ESR2: variants seen among roughly 807,000 people sequenced by gnomAD.
ESR2 encodes the protein estrogen receptor 2.
A neutral mutation model predicts 49.6 loss-of-function variants in ESR2; 36 were observed. The ratio of observed to expected loss-of-function variants is 0.73; its 90% CI spans 0.56 to 0.96. The LOEUF (loss-of-function observed/expected upper bound fraction) is 0.96. ESR2 is among the 40% of genes least tolerant of loss of function. ESR2 has a pLI of 0.00. For missense variants in ESR2, 714 were observed against 693.0 expected (o/e 1.03, Z -0.34); for synonymous variants, 320 against 266.1 (o/e 1.20, Z -1.97).
At chr14:64,302,881 C>G (rs943045233) in intron 1 of ESR2, among the ~76,000 whole-genome samples, 2 of 151,940 alleles carry the variant, frequency 1.3e-5, no homozygotes, top group African/African-American at 4.8e-5. Context: ...TCACTGCAAC[C>G]TCCGCCTCCT....
intron 1 of ESR2, chr14:64,303,652 G>C (rs905707740): frequency 1.3e-5 from 2 of 152,162 alleles, no homozygotes; most frequent in East Asian, 3.8e-4. Flanking sequence ...ACAGGTTGAT[G>C]TCTCCCTCTA....
chr14:64,288,314 A>G (rs1230890737), intron 1 of ESR2, among the ~76,000 whole-genome samples: 2 of 151,652 alleles, frequency 1.3e-5, no homozygotes, highest in African/African-American at 4.9e-5. Context: ...GTTTGGCCCT[A>G]GAAATGGCAG....
At chr14:64,320,292 A>C (rs1410803384) in intron 1 of ESR2, among the ~76,000 whole-genome samples, 8 of 152,168 alleles carry the variant, frequency 5.3e-5, no homozygotes, top group Admixed American at 5.2e-4. Flanking sequence ...CAAGCCGGGC[A>C]TGGTGGCATA....
At chr14:64,293,439 CCACT>C (rs1440701189) in intron 1 of ESR2, among the ~76,000 whole-genome samples, 1 of 152,158 alleles carries the variant, frequency 6.6e-6, no homozygotes, top group Non-Finnish European at 1.5e-5. Flanking sequence ...AAATAGAAGT[CCACT>C]CAAAGTTTTT....
chr14:64,336,861 T>G (rs906446670), intron 1 of ESR2: 10 of 152,218 alleles, frequency 6.6e-5, no homozygotes, highest in African/African-American at 2.2e-4. Context: ...ACCCTTGCTT[T>G]CTTTCTTATA....
Position 64,307,199 on chromosome 14 carries a change from TA to T in ESR2, c.-90-24125del, listed in dbSNP as rs1182174302. On this transcript the variant is annotated intron_variant, in intron 1 of 8. Coordinates refer to the ESR2 transcript ENST00000358599. ...TGGCTAGAGGTTTATTAATTTAATT[TA>T]ATTTATTTATTTATTTATTTATTTA... 4.6e-5 allele frequency among the ~76,000 whole-genome samples: 7 copies of T among 150,684 alleles called. No homozygotes were observed. The South Asian group carries it at 1.0e-3, about 22-fold the overall frequency.
In ESR2 at chr14:64,282,786, C is replaced by T. The variant is rs758750077; in HGVS notation, c.200G>A (p.Gly67Asp). Residue 67 changes from glycine to aspartate, a missense_variant, in exon 2 of 9, where the codon GGT (glycine) becomes GAT (aspartate). Coordinates refer to ENST00000341099, the MANE Select transcript of ESR2 (RefSeq NM_001437.3). Reference sequence around the variant, plus strand: ...GCTTGTGGTCTGCCGACCAGGCCCACCTTCCAAGTTAGTGACATTGCTGGG... The same window carrying T: ...GCTTGTGGTCTGCCGACCAGGCCCATCTTCCAAGTTAGTGACATTGCTGGG... ...SIPSNVTNLE[G>D]GPGRQTTSPN... 10 of 1,614,108 alleles carry T rather than the reference C, an allele frequency of 6.2e-6. No individual in the cohort carries two copies. Among genetic ancestry groups the T allele is most frequent in the Non-Finnish European group, 6.8e-6 (8 of 1,180,058 alleles).
At chr14:64,283,131 A>G (rs2076715464) in intron 1 of ESR2, 56 bp from the exon 2 acceptor site, 1 of 677,400 alleles carries the variant, frequency 1.5e-6, no homozygotes, top group Non-Finnish European at 2.3e-6. Context: ...TTAACTATGA[A>G]AATTTAAATA....
upstream of ESR2, among the ~76,000 whole-genome samples, chr14:64,295,657 T>C (rs2076946861): frequency 6.6e-6 from 1 of 152,152 alleles, no homozygotes; most frequent in African/African-American, 2.4e-5. Flanking sequence ...TCAGCCTCCC[T>C]GTCTCCTGTC....
chr14:64,269,026 A>C lies in ESR2; in HGVS notation c.536-115T>G, dbSNP rs1022602886. On this transcript the variant is annotated intron_variant, in intron 3 of 8. Coordinates refer to ENST00000341099, the MANE Select transcript of ESR2 (RefSeq NM_001437.3). ...GCTGAGAGATAGGGGACATCTTCTT[A>C]ATGACCAGTACAGGTACAAAGCCAA... is the stretch of plus-strand genomic sequence containing the variant. 8.6e-6 allele frequency: 6 copies of C among 695,822 alleles called. No homozygotes were observed. In the East Asian group the frequency reaches 1.3e-4, roughly 15 times the overall value. 43.1% of individuals were successfully genotyped at this position (695,822 alleles called of 1,614,324 possible). A position where few individuals can be genotyped will look rare whatever the true frequency, so the allele number is the denominator to read the frequency against.
chr14:64,310,246 C>T (rs2077169192), intron 1 of ESR2, among the ~76,000 whole-genome samples: 1 of 149,814 alleles, frequency 6.7e-6, no homozygotes, highest in South Asian at 2.1e-4. Context: ...GCATTCCAGC[C>T]TGGGCGACAA....
At chr14:64,330,240 A>G in intron 1 of ESR2, 1 of 152,120 alleles carries the variant, frequency 6.6e-6, no homozygotes, top group African/African-American at 2.4e-5. Context: ...GACCAGCCTG[A>G]CCAATATGGA....
intron 1 of ESR2, among the ~76,000 whole-genome samples, chr14:64,284,318 C>A (rs1465517669): frequency 6.6e-6 from 1 of 151,804 alleles, no homozygotes; most frequent in Non-Finnish European, 1.5e-5. Context: ...GGGGTGCTGG[C>A]TGATTACAGG....
intron 6 of ESR2, among the ~76,000 whole-genome samples, chr14:64,254,539 G>A (rs1344316026): frequency 1.3e-5 from 2 of 150,656 alleles, no homozygotes; most frequent in African/African-American, 4.9e-5. Flanking sequence ...TTGAAGTCAG[G>A]ACCTCGAGAC....
chr14:64,299,360 T>C (rs1171751831), upstream of ESR2, among the ~76,000 whole-genome samples: 1 of 151,956 alleles, frequency 6.6e-6, no homozygotes, highest in Non-Finnish European at 1.5e-5. Flanking sequence ...TTTAGACCCA[T>C]AGCAACTAAC....
In ESR2 at chr14:64,282,835, G is replaced by A. The variant is rs749093040; in HGVS notation, c.151C>T (p.Pro51Ser). The A allele has an allele frequency of 1.9e-6, 3 of 1,614,160 alleles. No individual in the cohort carries two copies. The East Asian group carries it at 6.7e-5, about 36-fold the overall frequency. The change falls in exon 2 of 9, where the codon CCT becomes TCT. Residue 51 changes from proline to serine, a missense_variant. Transcript: ENST00000341099. ...HEYPAMTFYSPAVMNYSIPSN... is the reference protein window; with the variant it reads ...HEYPAMTFYSSAVMNYSIPSN... ...GGAATGCTGTAATTCATCACAGCAG[G>A]GCTATAGAATGTCATGGCTGGATAT...
Position 64,232,877 on chromosome 14 carries a change from G to T in ESR2, c.*260C>A. 1 of 476,490 alleles carries T rather than the reference G, an allele frequency of 2.1e-6. No individual in the cohort carries two copies. 29.5% of individuals were successfully genotyped at this position (476,490 alleles called of 1,614,324 possible). On this transcript the variant is annotated 3_prime_UTR_variant, in exon 9 of 9. Transcript: ENST00000341099. Reference sequence around the variant, plus strand: ...AGGAAGGAAGAAGGAAAGTAAGAAAGACCACACTGAGATCCTATGAGGCCA... The same window carrying T: ...AGGAAGGAAGAAGGAAAGTAAGAAATACCACACTGAGATCCTATGAGGCCA...
intron 5 of ESR2, 31 bp from the exon 6 acceptor site, chr14:64,257,395 C>G: frequency 6.2e-7 from 1 of 1,611,398 alleles, no homozygotes; most frequent in Non-Finnish European, 8.5e-7. Flanking sequence ...TGAGACACCC[C>G]CACCCCTCCT....
chr14:64,321,323 A>C (rs1370563950), intron 1 of ESR2, among the ~76,000 whole-genome samples: 1 of 152,124 alleles, frequency 6.6e-6, no homozygotes, highest in Non-Finnish European at 1.5e-5. Context: ...AAAAAAAAAA[A>C]AATCTTTTTT....
Sources: allele counts gnomAD v4.1 joint callset (sites outside exome capture counted in the v4.1 genomes callset), GRCh38; gene constraint gnomAD v4.1.1; transcripts MANE v1.5; gene names NCBI Gene and HGNC (gene_info 2026-07-23, HGNC 2026-07-21).